Variants in CDC73 observed in about 807,000 individuals in gnomAD.
The protein encoded by CDC73 is parafibromin.
A neutral mutation model predicts 83.7 loss-of-function variants in CDC73; 21 were observed. The ratio of observed to expected loss-of-function variants is 0.25; its 90% CI spans 0.18 to 0.36. CDC73 has a LOEUF of 0.36. CDC73 is among the 10% of genes least tolerant of loss of function. The pLI, the probability that CDC73 is intolerant of heterozygous loss-of-function variation, is 1.00. For missense variants in CDC73, 342 were observed against 653.3 expected (o/e 0.52, Z 5.19); for synonymous variants, 224 against 212.9 (o/e 1.05, Z -0.45).
intron 10 of CDC73, among the ~76,000 whole-genome samples, chr1:193,169,991 C>G (rs753238137): frequency 6.6e-6 from 1 of 152,060 alleles, no homozygotes; most frequent in Non-Finnish European, 1.5e-5. Context: ...TGATTCCCCT[C>G]TATGTATCTG....
chr1:193,223,707 A>C (rs1677511604), intron 13 of CDC73, among the ~76,000 whole-genome samples: 1 of 152,158 alleles, frequency 6.6e-6, no homozygotes, highest in Admixed American at 6.6e-5. Flanking sequence ...GTGAAAAACC[A>C]GGCTTAACTT....
At chr1:193,128,520 G>T (rs1393827511) in intron 2 of CDC73, among the ~76,000 whole-genome samples, 1 of 151,704 alleles carries the variant, frequency 6.6e-6, no homozygotes, top group African/African-American at 2.4e-5. Context: ...GCTCAGGCTG[G>T]TCTCGAACTC....
At chr1:193,139,676 A>G (rs1395411062) in intron 6 of CDC73, among the ~76,000 whole-genome samples, 2 of 152,196 alleles carry the variant, frequency 1.3e-5, no homozygotes, top group African/African-American at 4.8e-5. Flanking sequence ...AGATATTGTT[A>G]TATCTCCCCA....
intron 10 of CDC73, among the ~76,000 whole-genome samples, chr1:193,198,327 G>A (rs536731174): frequency 6.6e-6 from 1 of 152,322 alleles, no homozygotes; most frequent in Non-Finnish European, 1.5e-5. Flanking sequence ...GGACCATTTG[G>A]AAAGTGATTA....
intron 10 of CDC73, among the ~76,000 whole-genome samples, chr1:193,202,587 A>G (rs923876442): frequency 6.6e-6 from 1 of 151,460 alleles, no homozygotes; most frequent in Non-Finnish European, 1.5e-5. Context: ...ATGTTGGAAA[A>G]AGGATATTTT....
intron 13 of CDC73, among the ~76,000 whole-genome samples, chr1:193,215,283 T>TAAACAACTCAA (rs1677348315): frequency 6.6e-6 from 1 of 152,208 alleles, no homozygotes; most frequent in Non-Finnish European, 1.5e-5. Context: ...TGAAATGTAT[T>TAAACAACTCAA]GTTTTCTACA....
At chr1:193,172,237 C>CTTTTTTTT (rs36004862) in intron 10 of CDC73, among the ~76,000 whole-genome samples, 1 of 134,362 alleles carries the variant, frequency 7.4e-6, no homozygotes, top group African/African-American at 2.8e-5. Flanking sequence ...TTTTTGGTAC[C>CTTTTTTTT]TTTTTTTTTT....
At chr1:193,238,861 A>G (rs919455283) in intron 15 of CDC73, among the ~76,000 whole-genome samples, 31 of 152,318 alleles carry the variant, frequency 2.0e-4, no homozygotes, top group African/African-American at 7.2e-4. Context: ...CACATTGAGT[A>G]GGTTGAGGAG....
chr1:193,201,090 CG>C (rs66459809), intron 10 of CDC73, among the ~76,000 whole-genome samples: 109,852 of 151,408 alleles, frequency 0.73, 39,973 homozygotes, highest in South Asian at 0.82. Flanking sequence ...TGTGTATTGG[CG>C]GGGGTGGGTG....
At chr1:193,170,403 C>CT (rs1356446247) in intron 10 of CDC73, among the ~76,000 whole-genome samples, 1 of 152,192 alleles carries the variant, frequency 6.6e-6, no homozygotes, top group African/African-American at 2.4e-5. Flanking sequence ...TTAATTTACA[C>CT]TTTCATCAAC....
intron 10 of CDC73, among the ~76,000 whole-genome samples, chr1:193,182,733 C>T (rs1158876897): frequency 6.6e-6 from 1 of 152,042 alleles, no homozygotes; most frequent in East Asian, 1.9e-4. Flanking sequence ...GTGCATAGCA[C>T]AGATTTGTTC....
At chr1:193,128,147 A>T (rs1558279226) in intron 2 of CDC73, 1 of 152,124 alleles carries the variant, frequency 6.6e-6, no homozygotes, top group African/African-American at 2.4e-5. Flanking sequence ...GTGTGAGTAG[A>T]TGTAATCTTT....
At chr1:193,144,585 T>C (rs1228087043) in intron 7 of CDC73, among the ~76,000 whole-genome samples, 3 of 152,206 alleles carry the variant, frequency 2.0e-5, no homozygotes, top group African/African-American at 7.2e-5. Context: ...CATTGTGTTC[T>C]TTACTCACGA....
At chr1:193,182,611 C>A (rs1219738331) in intron 10 of CDC73, among the ~76,000 whole-genome samples, 4 of 152,080 alleles carry the variant, frequency 2.6e-5, no homozygotes, top group African/African-American at 9.7e-5. Flanking sequence ...TAGAACTTGT[C>A]ATTAGCACAG....
At chr1:193,122,716 T>A (rs906282094) in intron 1 of CDC73, among the ~76,000 whole-genome samples, 6 of 152,316 alleles carry the variant, frequency 3.9e-5, no homozygotes, top group East Asian at 1.9e-4. Context: ...TTCTTTATTT[T>A]TTTTTTCTCT....
At chr1:193,213,198 T>C (rs1250687082) in intron 13 of CDC73, among the ~76,000 whole-genome samples, 1 of 152,206 alleles carries the variant, frequency 6.6e-6, no homozygotes, top group Non-Finnish European at 1.5e-5. Context: ...TGTATACTAC[T>C]TCTTGGATTG....
chr1:193,175,387 G>A (rs1466969395), intron 10 of CDC73, among the ~76,000 whole-genome samples: 14 of 152,206 alleles, frequency 9.2e-5, no homozygotes, highest in African/African-American at 3.4e-4. Flanking sequence ...ATGGGCAATA[G>A]CAAGAGAAAG....
chr1:193,249,172 A>G (rs1015962951), intron 15 of CDC73, among the ~76,000 whole-genome samples: 1 of 152,006 alleles, frequency 6.6e-6, no homozygotes, highest in Non-Finnish European at 1.5e-5. Flanking sequence ...TGTTCAGTCA[A>G]CAGCCATCAA....
chr1:193,126,027 A>G (rs1301187647), intron 2 of CDC73, among the ~76,000 whole-genome samples: 1 of 152,128 alleles, frequency 6.6e-6, no homozygotes, highest in Non-Finnish European at 1.5e-5. Context: ...TTGGGACTCT[A>G]AGGCGGTAGG....
Sources: gnomAD v4.1 joint callset for allele counts (sites outside exome capture counted in the v4.1 genomes callset) on GRCh38, gnomAD v4.1.1 for gene constraint, MANE v1.5 for transcripts, NCBI Gene and HGNC (gene_info 2026-07-23, HGNC 2026-07-21) for gene names.